Variants in PZP observed in about 807,000 individuals in gnomAD.
PZP encodes pregnancy zone protein.
A neutral mutation model predicts 179.8 loss-of-function variants in PZP; 150 were observed. The ratio of observed to expected loss-of-function variants is 0.83; its 90% CI spans 0.73 to 0.96. The LOEUF (loss-of-function observed/expected upper bound fraction) is 0.96, where lower values mean the gene tolerates loss of function less well. Among genes scored for constraint, PZP ranks in the 40% least tolerant of loss-of-function variants. The pLI is 0.00. For missense variants in PZP, 1,689 were observed against 1,764.0 expected, an observed-to-expected ratio of 0.96 and a Z score of 0.76; for synonymous variants, 624 against 652.3, an observed-to-expected ratio of 0.96 and a Z score of 0.66.
intron 13 of PZP, among the ~76,000 whole-genome samples, chr12:9,191,196 A>G (rs1407328603): frequency 2.6e-5 from 4 of 152,164 alleles, no homozygotes; most frequent in Non-Finnish European, 4.4e-5. Flanking sequence ...TTGGAATATT[A>G]TAAAAGAAAA....
chr12:9,137,918 A>T, the PZP span, among the ~76,000 whole-genome samples: 1 of 152,094 alleles, frequency 6.6e-6, no homozygotes, highest in East Asian at 1.9e-4. Flanking sequence ...GTTTTTTAAA[A>T]TGGAGCCTTT....
At chr12:9,149,502 G>C in intron 35 of PZP, 59 bp downstream of exon 35, 1 of 1,471,964 alleles carries the variant, frequency 6.8e-7, no homozygotes, top group Non-Finnish European at 9.3e-7. Context: ...TAAATTGCAG[G>C]GGCCCTTGGA....
intron 13 of PZP, among the ~76,000 whole-genome samples, chr12:9,184,014 G>A (rs1182458716): frequency 6.6e-6 from 1 of 152,160 alleles, no homozygotes. Flanking sequence ...ACTGTCTTGA[G>A]TTCAACAAGG....
intron 7 of PZP, among the ~76,000 whole-genome samples, chr12:9,197,437 TG>T (rs1943847246): frequency 7.4e-6 from 1 of 135,980 alleles, no homozygotes. Context: ...TATTAATTAT[TG>T]GAGTACTGCT....
intron 31 of PZP, 37 bp downstream of exon 31, chr12:9,152,787 T>G (rs756528307): frequency 6.3e-7 from 1 of 1,591,586 alleles, no homozygotes. Flanking sequence ...AAGTTGCTTT[T>G]GGGCCAAAGA....
At chr12:9,168,384 G>A (rs1270446576) in intron 17 of PZP, 1 of 152,492 alleles carries the variant, frequency 6.6e-6, no homozygotes, top group Non-Finnish European at 1.5e-5. Flanking sequence ...AAGTAGACCT[G>A]GTGATGGGAC....
intron 15 of PZP, among the ~76,000 whole-genome samples, chr12:9,176,365 T>A (rs1236684195): frequency 2.0e-5 from 3 of 152,154 alleles, no homozygotes; most frequent in Non-Finnish European, 2.9e-5. Context: ...AATACCTAGG[T>A]GATGGGTTGA....
intron 13 of PZP, among the ~76,000 whole-genome samples, chr12:9,183,884 A>G (rs1037810628): frequency 3.3e-5 from 5 of 152,170 alleles, no homozygotes; most frequent in African/African-American, 1.2e-4. Context: ...GGAAGCTTAA[A>G]ATATCCTTAA....
chr12:9,156,336 T>C, intron 28 of PZP: 1 of 205,534 alleles, frequency 4.9e-6, no homozygotes. Context: ...CTGACCATCT[T>C]CCCCTCCACC....
chr12:9,194,512 T>TGC (rs1215612786), intron 10 of PZP, among the ~76,000 whole-genome samples: 13 of 142,800 alleles, frequency 9.1e-5, no homozygotes, highest in African/African-American at 3.1e-4. Context: ...TCGCCCAGGC[T>TGC]GGAGTGCAGT....
intron 15 of PZP, among the ~76,000 whole-genome samples, chr12:9,175,895 T>A (rs1464768235): frequency 6.6e-6 from 1 of 152,166 alleles, no homozygotes; most frequent in Non-Finnish European, 1.5e-5. Flanking sequence ...TGGAAGAAAG[T>A]GTGGTGATTC....
rs888715882 is a variant in PZP at position 9,170,255 on chromosome 12, A to G, written c.1840-664T>C. ...TGTGCGACCTCGCCTGGGAAATCAC[A>G]TTTCTCCCAAGGATCTCTGCAACCC... On this transcript the variant is annotated intron_variant, in intron 15 of 35. Coordinates refer to ENST00000261336, the MANE Select transcript of PZP (RefSeq NM_002864.3). This position sits in a 1 kb window ranked among gnomAD's most constrained non-coding sequence, Gnocchi z 4.6. 1 of 152,026 alleles carries G rather than the reference A, an allele frequency of 6.6e-6. No individual in the cohort carries two copies. The highest frequency in any genetic ancestry group is 2.4e-5 in the African/African-American group (1 of 41,364). 9.4% of individuals were successfully genotyped at this position (152,026 alleles called of 1,614,324 possible). A position where few individuals can be genotyped will look rare whatever the true frequency, so the allele number is the denominator to read the frequency against.
At chr12:9,193,969 G>A in intron 11 of PZP, 108 bp downstream of exon 11, 1 of 1,085,018 alleles carries the variant, frequency 9.2e-7, no homozygotes, top group Non-Finnish European at 1.3e-6. Context: ...CTCAAAGTTA[G>A]ATATCTTCTT....
Position 9,177,871 on chromosome 12 carries a change from A to G in PZP, c.1839+3112T>C, listed in dbSNP as rs368748839. Among the ~76,000 whole-genome samples, 49 of 152,330 alleles carry G rather than the reference A, an allele frequency of 3.2e-4. 2 individuals carry two copies. In the East Asian group the frequency reaches 6.4e-3, roughly 20 times the overall value. ...GAAAGGTAGACTAAATTCCTGTACT[A>G]CATGCTGAAATTAATAGCTTAGACT... is the stretch of plus-strand genomic sequence containing the variant. On this transcript the variant is annotated intron_variant, in intron 15 of 35. Transcript: ENST00000261336.
intron 13 of PZP, among the ~76,000 whole-genome samples, chr12:9,189,640 T>C (rs775151672): frequency 6.6e-6 from 1 of 152,222 alleles, no homozygotes; most frequent in South Asian, 2.1e-4. Context: ...CATTGACAAA[T>C]GGGATCTAAT....
intron 27 of PZP, 30 bp downstream of exon 27, chr12:9,157,737 G>A (rs1162572667): frequency 6.3e-7 from 1 of 1,585,192 alleles, no homozygotes; most frequent in Admixed American, 1.7e-5. Context: ...CAGTTTTCAT[G>A]GTAGGGAATG....
rs1863840 is a variant in PZP, at chr12:9,169,818, G to A, written c.1840-227C>T. 566 of 385,984 alleles carry A rather than the reference G, an allele frequency of 1.5e-3. 2 individuals are homozygous for A. The highest frequency in any genetic ancestry group is 2.0e-3 in the Non-Finnish European group (442 of 221,636). 23.9% of individuals were successfully genotyped at this position (385,984 alleles called of 1,614,324 possible). A position where few individuals can be genotyped will look rare whatever the true frequency, so the allele number is the denominator to read the frequency against. Reference sequence around the variant, plus strand: ...CTTCCAAAGATTAACAAAATCTTAAGTTATGAAGGATTAATTAAAACTTCA... The same window carrying A: ...CTTCCAAAGATTAACAAAATCTTAAATTATGAAGGATTAATTAAAACTTCA... On this transcript the variant is annotated intron_variant, in intron 15 of 35. Transcript: ENST00000261336.
At chr12:9,183,161 T>TAGGATA (rs1942883805) in intron 13 of PZP, among the ~76,000 whole-genome samples, 1 of 152,214 alleles carries the variant, frequency 6.6e-6, no homozygotes. Context: ...TTAGGAATAT[T>TAGGATA]TTACAAAGTA....
chr12:9,194,327 A>G, intron 10 of PZP, 89 bp from the exon 11 acceptor site: 1 of 1,262,450 alleles, frequency 7.9e-7, no homozygotes, highest in Non-Finnish European at 1.1e-6. Context: ...TGCTATAACT[A>G]AAACAACAAC....
Sources: gnomAD v4.1 joint callset for allele counts (sites outside exome capture counted in the v4.1 genomes callset) on GRCh38, gnomAD v4.1.1 for gene constraint, Gnocchi (gnomAD v3.1) non-coding constraint, MANE v1.5 for transcripts, NCBI Gene and HGNC (gene_info 2026-07-23, HGNC 2026-07-21) for gene names.